Variants in MORC2 observed in about 807,000 individuals in gnomAD.
The protein encoded by MORC2 is ATPase MORC2.
In MORC2, 30 loss-of-function variants were observed where a neutral mutation model predicts 136.0. That is an observed-to-expected ratio of 0.22 (90% CI 0.17 to 0.30). MORC2 has a LOEUF of 0.30. Ranked by LOEUF, MORC2 falls within the 10% of genes least tolerant of loss-of-function variation. The pLI is 1.00. For synonymous variants in MORC2, 439 were observed against 487.0 expected (o/e 0.90, Z 1.30); for missense variants, 922 against 1,333.1 (o/e 0.69, Z 4.80).
At chr22:30,944,831 TG>T (rs1482465022) in intron 6 of MORC2, among the ~76,000 whole-genome samples, 3 of 152,190 alleles carry the variant, frequency 2.0e-5, no homozygotes, top group Non-Finnish European at 4.4e-5. Context: ...TCACCTCCCT[TG>T]GGCGAGTACC....
At chr22:30,935,686 T>C (rs961431108) in intron 17 of MORC2, among the ~76,000 whole-genome samples, 3 of 152,126 alleles carry the variant, frequency 2.0e-5, no homozygotes, top group African/African-American at 7.2e-5. Context: ...ACATCATGGG[T>C]TAGTGAGAGC....
rs4820034 is a variant in MORC2 at position 30,960,649 on chromosome 22, C to T, written c.69-1955G>A. Among the ~76,000 whole-genome samples the T allele has an allele frequency of 4.9e-3, 739 of 151,524 alleles. 1 individual carries two copies. Among genetic ancestry groups the T allele is most frequent in the Middle Eastern group, 0.017 (5 of 292 alleles). ...TATTACAAGCATAGGCCACCATGCC[C>T]GGCTAATTTTTTTGTATTTTTAGTA... On this transcript the variant is annotated intron_variant, in intron 1 of 25. Coordinates refer to ENST00000397641, the MANE Select transcript of MORC2 (RefSeq NM_001303256.3).
At chr22:30,960,006 C>T (rs142563262) in intron 1 of MORC2, among the ~76,000 whole-genome samples, 4,773 of 152,260 alleles carry the variant, frequency 0.031, 102 homozygotes, top group Middle Eastern at 0.058. Flanking sequence ...TCGCTCTTGT[C>T]GCCCAGGCTG....
At position 30,932,214 on chromosome 22, in the gene MORC2, G is replaced by T; in HGVS notation, c.2841+145C>A. The T allele has an allele frequency of 2.6e-6, 2 of 771,408 alleles. No homozygotes were observed. Among genetic ancestry groups the T allele is most frequent in the African/African-American group, 1.7e-5 (1 of 57,708 alleles). 47.8% of individuals were successfully genotyped at this position (771,408 alleles called of 1,614,324 possible). A position where few individuals can be genotyped will look rare whatever the true frequency, so the allele number is the denominator to read the frequency against. On this transcript the variant is annotated intron_variant, in intron 24 of 25. Transcript: ENST00000397641. This position sits in a 1 kb window ranked among gnomAD's most constrained non-coding sequence, Gnocchi z 4.4. ...ATAAACTCTCCTCTTCTTTCAGCAGGAGAGAGGCTGGCTGAGATGGAGCAC... is the reference window on the plus strand; with the variant it reads ...ATAAACTCTCCTCTTCTTTCAGCAGTAGAGAGGCTGGCTGAGATGGAGCAC...
In MORC2 at chr22:30,941,562, G is replaced by A. The variant is rs545159423; in HGVS notation, c.699-4C>T. The A allele has an allele frequency of 6.2e-7, 1 of 1,611,638 alleles. No individual in the cohort carries two copies. The highest frequency in any genetic ancestry group is 1.3e-5 in the African/African-American group (1 of 74,980). On this transcript the variant is annotated splice_polypyrimidine_tract_variant and splice_region_variant and intron_variant, in intron 8 of 25. Coordinates refer to ENST00000397641, the MANE Select transcript of MORC2 (RefSeq NM_001303256.3). The surrounding 1 kb of genome is among the most constrained non-coding windows in gnomAD (Gnocchi z 4.6). ...GAACGAGCGCCGCTCTGGCTTCCTGGAGAGGGCAAAAACAGAGAAGTGCTG... is the reference window on the plus strand; with the variant it reads ...GAACGAGCGCCGCTCTGGCTTCCTGAAGAGGGCAAAAACAGAGAAGTGCTG...
intron 4 of MORC2, 131 bp downstream of exon 4, chr22:30,950,246 C>CGTA: frequency 1.1e-6 from 1 of 914,660 alleles, no homozygotes; most frequent in Admixed American, 2.3e-5. Context: ...CAACAGACTT[C>CGTA]TTACTCCCCA....
At chr22:30,951,781 TAG>T (rs1474538402) in intron 3 of MORC2, among the ~76,000 whole-genome samples, 1 of 152,164 alleles carries the variant, frequency 6.6e-6, no homozygotes, top group African/African-American at 2.4e-5. Flanking sequence ...CTCTGTCAAA[TAG>T]ACTTATTAAT....
chr22:30,942,479 G>A (rs1437368871), intron 6 of MORC2, among the ~76,000 whole-genome samples: 1 of 152,162 alleles, frequency 6.6e-6, no homozygotes, highest in Non-Finnish European at 1.5e-5. Context: ...CTTCCTTCAG[G>A]AGATGTTGGT....
At chr22:30,947,396 T>A (rs531500621) in intron 5 of MORC2, among the ~76,000 whole-genome samples, 1 of 152,350 alleles carries the variant, frequency 6.6e-6, no homozygotes, top group Admixed American at 6.5e-5. Flanking sequence ...CTCTGAACAA[T>A]GGGGCTGTTC....
rs1396767941 is a variant in MORC2 at position 30,934,093 on chromosome 22, A to C, written c.2292T>G (p.Phe764Leu). 21 of 1,614,008 alleles carry C rather than the reference A, an allele frequency of 1.3e-5. No homozygotes were observed. Among genetic ancestry groups the C allele is most frequent in the Non-Finnish European group, 1.8e-5 (21 of 1,180,028 alleles). ...AGTCCTTCTTTTCCTCCTTCACAAC[A>C]AATCTGCCCCGCTTGCACCTCTCCT... ...RRKERCKRGR[F>L]VVKEEKKDSN... The change falls in exon 20 of 26, where the codon TTT becomes TTG. Residue 764 changes from phenylalanine to leucine, a missense_variant. Physicochemically the swap from Phe to Leu is conservative, Grantham distance 22. Coordinates refer to ENST00000397641, the MANE Select transcript of MORC2 (RefSeq NM_001303256.3). The surrounding 1 kb of genome is among the most constrained non-coding windows in gnomAD (Gnocchi z 4.4).
chr22:30,946,625 C>G (rs1383949703), intron 5 of MORC2, among the ~76,000 whole-genome samples, 176 bp from the exon 6 acceptor site: 1 of 151,788 alleles, frequency 6.6e-6, no homozygotes, highest in Non-Finnish European at 1.5e-5. Flanking sequence ...CTCCATCCCC[C>G]AACACTCCTT....
chr22:30,945,323 C>T lies in MORC2; in HGVS notation c.426+1018G>A, dbSNP rs139594586. Reference sequence around the variant, plus strand: ...AACCCACTGGCTTGCTACGTAATGACGGAAGGCCTACCATTCCCTACCTGA... The same window carrying T: ...AACCCACTGGCTTGCTACGTAATGATGGAAGGCCTACCATTCCCTACCTGA... On this transcript the variant is annotated intron_variant, in intron 6 of 25. Transcript: ENST00000397641. 9.8e-5 allele frequency among the ~76,000 whole-genome samples: 15 copies of T among 152,306 alleles called. No homozygotes were observed. In the East Asian group the frequency reaches 1.3e-3, roughly 14 times the overall value.
chr22:30,935,445 A>G, intron 17 of MORC2, 123 bp from the exon 18 acceptor site: 3 of 891,260 alleles, frequency 3.4e-6, no homozygotes, highest in South Asian at 1.6e-5. Context: ...TCCTACTCTT[A>G]CAAACCTCCT....
intron 2 of MORC2, among the ~76,000 whole-genome samples, chr22:30,958,099 T>C (rs903192053): frequency 2.0e-5 from 3 of 152,240 alleles, no homozygotes; most frequent in Admixed American, 6.5e-5. Flanking sequence ...CACAGTAACA[T>C]TTACATGTTT....
At chr22:30,950,337 G>GCGGGGGCCC in intron 4 of MORC2, 40 bp downstream of exon 4, 5 of 761,736 alleles carry the variant, frequency 6.6e-6, no homozygotes, top group Admixed American at 2.1e-5. Flanking sequence ...TGGTTACATC[G>GCGGGGGCCC]CACCCCCCCA....
chr22:30,958,814 T>C (rs78329270), intron 1 of MORC2, 120 bp from the exon 2 acceptor site: 2 of 857,914 alleles, frequency 2.3e-6, no homozygotes, highest in South Asian at 1.6e-5. Flanking sequence ...ACCATTTGCA[T>C]TGTTTTTATA....
chr22:30,950,837 A>G (rs2040876676), intron 3 of MORC2, among the ~76,000 whole-genome samples: 2 of 152,170 alleles, frequency 1.3e-5, no homozygotes, highest in African/African-American at 4.8e-5. Flanking sequence ...CAACTACCAC[A>G]CACTGTACTT....
At chr22:30,938,614 G>C (rs552626671) in intron 12 of MORC2, among the ~76,000 whole-genome samples, 1 of 152,094 alleles carries the variant, frequency 6.6e-6, no homozygotes, top group South Asian at 2.1e-4. Context: ...CTGTCGCCCA[G>C]GCTGGAGTGC....
rs1432092821 is a variant in MORC2, at chr22:30,968,610, GC to G, written c.-722del. The stretch of plus-strand genomic sequence containing the variant: ...CAGCACCTCGGGCAGGCCGCGCCCC[GC>G]CCCCACGTCCCTCAGACAACAGCCT... On this transcript the variant is annotated 5_prime_UTR_variant, in exon 1 of 26. Coordinates refer to ENST00000397641, the MANE Select transcript of MORC2 (RefSeq NM_001303256.3). 6.6e-6 allele frequency among the ~76,000 whole-genome samples: 1 copy of G among 151,890 alleles called. No homozygotes were observed. Among genetic ancestry groups the G allele is most frequent in the Non-Finnish European group, 1.5e-5 (1 of 67,952 alleles).
Sources: gnomAD v4.1 joint callset for allele counts (sites outside exome capture counted in the v4.1 genomes callset) on GRCh38, gnomAD v4.1.1 for gene constraint, Gnocchi (gnomAD v3.1) non-coding constraint, MANE v1.5 for transcripts, NCBI Gene and HGNC (gene_info 2026-07-23, HGNC 2026-07-21) for gene names.